Variants in MAP3K21 observed in about 807,000 individuals in gnomAD.
MAP3K21 encodes the protein mitogen-activated protein kinase kinase kinase MLK4.
Under a neutral mutation model 86.1 loss-of-function variants are expected in MAP3K21, and 63 were observed. The ratio of observed to expected loss-of-function variants is 0.73; its 90% CI spans 0.60 to 0.90. The LOEUF is 0.90. Ranked by LOEUF, MAP3K21 falls within the 40% of genes least tolerant of loss-of-function variation. The pLI is 0.00. For synonymous variants in MAP3K21, 558 were observed against 564.8 expected, an observed-to-expected ratio of 0.99 and a Z score of 0.17; for missense variants, 1,220 against 1,367.7, an observed-to-expected ratio of 0.89 and a Z score of 1.70.
At chr1:233,381,900 T>C (rs1663923481) in intron 9 of MAP3K21, among the ~76,000 whole-genome samples, 1 of 152,368 alleles carries the variant, frequency 6.6e-6, no homozygotes, top group African/African-American at 2.4e-5. Flanking sequence ...CTCTTAAATT[T>C]ATTCCAGTCT....
Position 233,372,170 on chromosome 1 carries a change from C to G in MAP3K21, c.1675+10C>G. ...CTCCGAGCCATACAGTGTGAGCTTTCTGCACTGCCACGGGGGCTCCTGTGT... is the reference window on the plus strand; with the variant it reads ...CTCCGAGCCATACAGTGTGAGCTTTGTGCACTGCCACGGGGGCTCCTGTGT... On this transcript the variant is annotated intron_variant, in intron 6 of 9. Transcript: ENST00000366624. 6.2e-7 allele frequency: 1 copy of G among 1,613,678 alleles called. No individual in the cohort carries two copies. Among genetic ancestry groups the G allele is most frequent in the African/African-American group, 1.3e-5 (1 of 75,046 alleles).
intron 4 of MAP3K21, among the ~76,000 whole-genome samples, chr1:233,356,257 G>A (rs967570735): frequency 1.3e-5 from 2 of 152,086 alleles, no homozygotes; most frequent in Admixed American, 6.5e-5. Flanking sequence ...ACTTGCTGAC[G>A]TAATTGTTCT....
chr1:233,362,010 T>C (rs1280052334), intron 4 of MAP3K21, 43 bp from the exon 5 acceptor site: 1 of 1,595,794 alleles, frequency 6.3e-7, no homozygotes, highest in Non-Finnish European at 8.5e-7. Context: ...ATTCCCTTCT[T>C]CCTGCTGGGA....
rs1398947465 is a variant in MAP3K21, at chr1:233,382,892, T to C, written c.*181T>C. On this transcript the variant is annotated 3_prime_UTR_variant, in exon 10 of 10. Transcript: ENST00000366624. ...GATTGCTGTTAGCCATGTCTATTGT[T>C]TTTCCTCTGGATTCTTTTCTTATAA... 1.8e-6 allele frequency: 1 copy of C among 559,404 alleles called. No individual in the cohort carries two copies. Among genetic ancestry groups the C allele is most frequent in the Non-Finnish European group, 3.1e-6 (1 of 319,890 alleles). The allele number at this position is 559,404 out of a possible 1,614,324, so 34.7% of individuals were successfully genotyped here.
In MAP3K21 at chr1:233,384,370, A is replaced by C. The variant is rs1474475351; in HGVS notation, c.*1659A>C. The C allele has an allele frequency of 6.6e-6, 1 of 152,214 alleles. No individual in the cohort carries two copies. Among genetic ancestry groups the C allele is most frequent in the Non-Finnish European group, 1.5e-5 (1 of 68,024 alleles). The allele number at this position is 152,214 out of a possible 1,614,324, so 9.4% of individuals were successfully genotyped here. ...TTTGCCCTAAGGAAAACGATCTTGC[A>C]TTCTGGATTCTTGCAGCAAAGTCTC... On this transcript the variant is annotated 3_prime_UTR_variant, in exon 10 of 10. Coordinates refer to ENST00000366624, the MANE Select transcript of MAP3K21 (RefSeq NM_032435.3).
intron 4 of MAP3K21, among the ~76,000 whole-genome samples, chr1:233,361,158 A>G (rs555086615): frequency 2.0e-4 from 31 of 152,330 alleles, no homozygotes; most frequent in African/African-American, 7.2e-4. Context: ...TGGGGATATA[A>G]TTTTAAAACT....
At chr1:233,367,118 T>C (rs1479952963) in intron 5 of MAP3K21, among the ~76,000 whole-genome samples, 1 of 152,174 alleles carries the variant, frequency 6.6e-6, no homozygotes, top group East Asian at 1.9e-4. Flanking sequence ...GACAAAAGCT[T>C]TAAAGCCTCC....
Position 233,328,139 on chromosome 1 carries a change from G to A in MAP3K21, c.111G>A (p.Ser37=). The A allele has an allele frequency of 2.8e-6, 4 of 1,424,094 alleles. No individual in the cohort carries two copies. In the South Asian group the frequency reaches 4.3e-5, roughly 15 times the overall value. 88.2% of individuals were successfully genotyped at this position (1,424,094 alleles called of 1,614,324 possible). ...SSSTSSGGSA[S]AGAGLWAALY... ...CCACCTCCTCGGGCGGCTCGGCCTC[G>A]GCGGGCGCGGGGCTGTGGGCCGCGC... Residue 37 remains serine, a synonymous_variant, in exon 1 of 10, where the codon TCG becomes TCA. Coordinates refer to ENST00000366624, the MANE Select transcript of MAP3K21 (RefSeq NM_032435.3). This position sits in a 1 kb window ranked among gnomAD's most constrained non-coding sequence, Gnocchi z 8.7.
rs561085876 is a variant in MAP3K21 at position 233,379,549 on chromosome 1, A to T, written c.2543A>T (p.Glu848Val). The change falls in exon 9 of 10, where the codon GAG becomes GTG. Residue 848 changes from glutamate (E) to valine (V), a missense_variant. Transcript: ENST00000366624. ...FCPTAPGSGR[E>V]PALMPRLDTD... is the part of the protein sequence containing the mutation. ...CCCACTGCCCCAGGAAGTGGTCGTG[A>T]GCCAGCCCTCATGCCAAGACTTGAC... The T allele has an allele frequency of 1.2e-6, 2 of 1,614,208 alleles. No individual in the cohort carries two copies. The highest frequency in any genetic ancestry group is 2.7e-5 in the African/African-American group (2 of 75,064).
rs56236357 is a variant in MAP3K21, at chr1:233,354,870, G to A, written c.1170G>A (p.Ser390=). Residue 390 remains serine (S), a synonymous_variant, in exon 4 of 10, where the codon TCG becomes TCA. Coordinates refer to ENST00000366624, the MANE Select transcript of MAP3K21 (RefSeq NM_032435.3). The stretch of plus-strand genomic sequence containing the variant: ...AACAAGACCCTCATATTCGTCCATC[G>A]TTTGCCTTAATTCTCGAACAGTTGA... ...CWQQDPHIRP[S]FALILEQLTA... is the part of the protein sequence containing the mutation. 5.7e-4 allele frequency: 912 copies of A among 1,613,972 alleles called. 5 individuals are homozygous for A. In the African/African-American group the frequency reaches 0.01, roughly 18 times the overall value.
Position 233,353,919 on chromosome 1 carries a change from T to C in MAP3K21, c.1099T>C (p.Ser367Pro). The C allele has an allele frequency of 6.2e-7, 1 of 1,612,504 alleles. No individual in the cohort carries two copies. The highest frequency in any genetic ancestry group is 8.5e-7 in the Non-Finnish European group (1 of 1,179,354). ...AVNKLTLPIPSTCPEPFAKLM... is the reference protein window; with the variant it reads ...AVNKLTLPIPPTCPEPFAKLM... ...CAATAAACTCACTTTGCCCATTCCATCCACCTGCCCTGAGCCGTTTGCCAA... is the reference window on the plus strand; with the variant it reads ...CAATAAACTCACTTTGCCCATTCCACCCACCTGCCCTGAGCCGTTTGCCAA... Residue 367 changes from serine to proline, a missense_variant, in exon 3 of 10, where the codon TCC becomes CCC. Coordinates refer to ENST00000366624, the MANE Select transcript of MAP3K21 (RefSeq NM_032435.3).
intron 9 of MAP3K21, among the ~76,000 whole-genome samples, chr1:233,381,295 C>T (rs1320383094): frequency 6.6e-6 from 1 of 152,130 alleles, no homozygotes; most frequent in Non-Finnish European, 1.5e-5. Flanking sequence ...AATATACATA[C>T]CTAATACTAT....
At chr1:233,337,018 T>C (rs1056182175) in intron 1 of MAP3K21, among the ~76,000 whole-genome samples, 5 of 152,072 alleles carry the variant, frequency 3.3e-5, no homozygotes, top group Non-Finnish European at 5.9e-5. Context: ...GGACAAATGG[T>C]GTTATTTGTG....
chr1:233,333,065 G>A (rs974232990), intron 1 of MAP3K21, among the ~76,000 whole-genome samples: 7 of 152,022 alleles, frequency 4.6e-5, no homozygotes, highest in Non-Finnish European at 1.0e-4. Flanking sequence ...ACTGCAAAAG[G>A]AATATAAATT....
intron 3 of MAP3K21, among the ~76,000 whole-genome samples, chr1:233,354,432 T>A (rs12037356): frequency 6.6e-6 from 1 of 152,348 alleles, no homozygotes; most frequent in East Asian, 1.9e-4. Flanking sequence ...TTTTGATTTT[T>A]AGAACTTCTC....
intron 3 of MAP3K21, 71 bp downstream of exon 3, chr1:233,354,026 C>T: frequency 7.4e-7 from 1 of 1,358,636 alleles, no homozygotes. Flanking sequence ...TTTTAAAAAA[C>T]AGAAAAAGCA....
chr1:233,375,689 C>A, intron 6 of MAP3K21: 1 of 503,614 alleles, frequency 2.0e-6, no homozygotes, highest in South Asian at 3.3e-5. Context: ...TGCTAATTTA[C>A]CTCGAATTTG....
intron 8 of MAP3K21, among the ~76,000 whole-genome samples, chr1:233,376,978 C>T (rs1199717585): frequency 6.6e-6 from 1 of 152,012 alleles, no homozygotes; most frequent in Non-Finnish European, 1.5e-5. Context: ...GCTTGTAATC[C>T]CAGCTACTCA....
intron 1 of MAP3K21, among the ~76,000 whole-genome samples, chr1:233,339,328 TTCC>T: frequency 7.3e-6 from 1 of 136,142 alleles, no homozygotes; most frequent in African/African-American, 2.7e-5. Flanking sequence ...CTTCTTCTTC[TTCC>T]TCTTCTTCTC....
Sources: allele counts gnomAD v4.1 joint callset (sites outside exome capture counted in the v4.1 genomes callset), GRCh38; gene constraint gnomAD v4.1.1; non-coding constraint Gnocchi (gnomAD v3.1); transcripts MANE v1.5; gene names NCBI Gene and HGNC (gene_info 2026-07-23, HGNC 2026-07-21).